Variants in CFAP221 observed in about 807,000 individuals in gnomAD.
The protein encoded by CFAP221 is cilia and flagella associated protein 221.
Under a neutral mutation model 113.1 loss-of-function variants are expected in CFAP221, and 97 were observed. The observed-to-expected ratio is 0.86, with a 90% CI of 0.73 to 1.02. The LOEUF is 1.02. Among genes scored for constraint, CFAP221 ranks in the 50% least tolerant of loss-of-function variants. The probability of loss-of-function intolerance (pLI) is 0.00; values close to 1 mark genes in which losing one functional copy is unlikely to be tolerated. For synonymous variants in CFAP221, 331 were observed against 354.4 expected, an observed-to-expected ratio of 0.93 and a Z score of 0.74; for missense variants, 1,025 against 1,013.4, an observed-to-expected ratio of 1.01 and a Z score of -0.16.
intron 7 of CFAP221, among the ~76,000 whole-genome samples, chr2:119,595,369 T>G (rs1322223649): frequency 6.6e-6 from 1 of 152,254 alleles, no homozygotes; most frequent in East Asian, 1.9e-4. Flanking sequence ...TCAGGCTTTT[T>G]GTTTGTGCTT....
intron 7 of CFAP221, among the ~76,000 whole-genome samples, chr2:119,596,033 G>T (rs1235011208): frequency 2.6e-5 from 4 of 152,116 alleles, no homozygotes; most frequent in Non-Finnish European, 4.4e-5. Context: ...GCCTGCAGGG[G>T]TTCGAGGAGG....
intron 11 of CFAP221, among the ~76,000 whole-genome samples, chr2:119,605,581 G>C (rs1333872356): frequency 1.3e-5 from 2 of 152,068 alleles, no homozygotes; most frequent in Non-Finnish European, 2.9e-5. Flanking sequence ...TGGGTGCCTT[G>C]GGCACCCCCA....
chr2:119,637,623 T>G (rs960940580), intron 19 of CFAP221, among the ~76,000 whole-genome samples: 2 of 152,044 alleles, frequency 1.3e-5, no homozygotes, highest in Non-Finnish European at 2.9e-5. Flanking sequence ...TACGAGCCTC[T>G]GAGAGAACAG....
intron 6 of CFAP221, among the ~76,000 whole-genome samples, chr2:119,573,937 G>A (rs972458092): frequency 2.0e-5 from 3 of 152,214 alleles, no homozygotes; most frequent in South Asian, 4.2e-4. Context: ...TTCATTTACC[G>A]AAGTGGGCGC....
chr2:119,602,929 C>G (rs867580478), intron 8 of CFAP221, among the ~76,000 whole-genome samples: 1 of 152,094 alleles, frequency 6.6e-6, no homozygotes, highest in Non-Finnish European at 1.5e-5. Context: ...TGCAGGTGTA[C>G]GCTATTTCTA....
chr2:119,561,012 G>A (rs1681208281), intron 5 of CFAP221, among the ~76,000 whole-genome samples: 1 of 152,086 alleles, frequency 6.6e-6, no homozygotes. Flanking sequence ...AAAATGGCCA[G>A]GCGCGATGGC....
chr2:119,634,146 T>C (rs555174183), intron 19 of CFAP221, among the ~76,000 whole-genome samples: 1 of 152,096 alleles, frequency 6.6e-6, no homozygotes, highest in Non-Finnish European at 1.5e-5. Context: ...AATAATGTGA[T>C]CCAGCAATCC....
At chr2:119,651,760 G>A in intron 22 of CFAP221, among the ~76,000 whole-genome samples, 1 of 152,102 alleles carries the variant, frequency 6.6e-6, no homozygotes, top group Admixed American at 6.6e-5. Context: ...TTTATTCTCT[G>A]GTTATAAATA....
intron 12 of CFAP221, among the ~76,000 whole-genome samples, chr2:119,609,301 G>A (rs908573784): frequency 9.9e-5 from 15 of 152,194 alleles, no homozygotes; most frequent in Non-Finnish European, 1.2e-4. Context: ...TTAATTGGTA[G>A]GACTTGCAGA....
downstream of CFAP221, among the ~76,000 whole-genome samples, chr2:119,657,876 G>A (rs1025072789): frequency 2.6e-5 from 4 of 152,200 alleles, no homozygotes; most frequent in African/African-American, 7.2e-5. Flanking sequence ...CCACAGAAGC[G>A]TTATGTCCTT....
chr2:119,613,871 A>G (rs1280378357), intron 13 of CFAP221, among the ~76,000 whole-genome samples: 1 of 152,194 alleles, frequency 6.6e-6, no homozygotes, highest in Non-Finnish European at 1.5e-5. Context: ...CATGCTGCTA[A>G]TTTTCCAAAC....
intron 14 of CFAP221, among the ~76,000 whole-genome samples, chr2:119,617,480 TG>T (rs1353042170): frequency 2.0e-5 from 3 of 152,234 alleles, no homozygotes; most frequent in Admixed American, 2.0e-4. Flanking sequence ...CTGGCCAGGC[TG>T]GCTTGTTGCT....
intron 21 of CFAP221, among the ~76,000 whole-genome samples, chr2:119,643,584 A>G (rs1429902874): frequency 1.3e-5 from 2 of 152,090 alleles, no homozygotes; most frequent in African/African-American, 4.8e-5. Flanking sequence ...TCACTCTGTC[A>G]CCCAGGCTGG....
At chr2:119,626,727 A>T (rs1402975766) in intron 15 of CFAP221, among the ~76,000 whole-genome samples, 1 of 152,148 alleles carries the variant, frequency 6.6e-6, no homozygotes, top group East Asian at 1.9e-4. Context: ...TGAGCCCAGG[A>T]GTTCGAGACA....
intron 19 of CFAP221, among the ~76,000 whole-genome samples, chr2:119,634,595 T>TA (rs139830630): frequency 1.3e-5 from 2 of 151,996 alleles, no homozygotes; most frequent in Admixed American, 1.3e-4. Flanking sequence ...ATGAATGGAA[T>TA]AAAAAAAGTG....
At chr2:119,591,117 A>G (rs1484521015) in intron 7 of CFAP221, among the ~76,000 whole-genome samples, 2 of 152,184 alleles carry the variant, frequency 1.3e-5, no homozygotes, top group African/African-American at 2.4e-5. Flanking sequence ...GGCCTCTGAT[A>G]ATGATAAACT....
intron 2 of CFAP221, 109 bp from the exon 3 acceptor site, chr2:119,548,976 A>G (rs1235111423): frequency 3.0e-6 from 2 of 673,662 alleles, no homozygotes; most frequent in Non-Finnish European, 2.3e-6. Context: ...TGCAATTTTC[A>G]TATGCTTAAA....
chr2:119,639,733 CTT>C (rs1245531428), intron 20 of CFAP221, 46 bp from the exon 21 acceptor site: 2 of 1,474,258 alleles, frequency 1.4e-6, no homozygotes, highest in Non-Finnish European at 9.5e-7. Context: ...CCTTCAGAAA[CTT>C]TACCTCACCA....
At chr2:119,579,975 C>T (rs925197323) in intron 6 of CFAP221, among the ~76,000 whole-genome samples, 3 of 152,214 alleles carry the variant, frequency 2.0e-5, no homozygotes, top group African/African-American at 7.2e-5. Flanking sequence ...TCTTCAAAGA[C>T]CATATTTGGG....
Sources: gnomAD v4.1 joint callset for allele counts (sites outside exome capture counted in the v4.1 genomes callset) on GRCh38, gnomAD v4.1.1 for gene constraint, MANE v1.5 for transcripts, NCBI Gene and HGNC (gene_info 2026-07-23, HGNC 2026-07-21) for gene names.